The following PRKDC variants were observed in gnomAD, a reference collection of about 807,000 sequenced individuals.
PRKDC encodes DNA-dependent protein kinase catalytic subunit.
PRKDC carries 82 observed loss-of-function variants against 486.9 expected under a neutral mutation model. The observed-to-expected ratio is 0.17, with a 90% confidence interval of 0.14 to 0.20. The LOEUF is 0.20. PRKDC is among the 10% of genes least tolerant of loss of function. The pLI is 1.00. For missense variants in PRKDC, 4,504 were observed against 5,038.2 expected (o/e 0.89, Z 3.21); for synonymous variants, 1,895 against 1,837.0 (o/e 1.03, Z -0.81).
In PRKDC at chr8:47,953,827, G is replaced by A. The variant is rs778704027; in HGVS notation, c.601C>T (p.Leu201=). ...NNAENLFRAF[L]GELKTQMTSA... is the part of the protein sequence containing the mutation. The stretch of plus-strand genomic sequence containing the variant: ...CATACCTGGGTCTTAAGTTCACCCA[G>A]AAAAGCGCGGAACAGGTTTTCTGCA... Residue 201 remains leucine, a synonymous_variant, in exon 6 of 86, where the codon CTG becomes TTG. Coordinates refer to ENST00000314191, the MANE Select transcript of PRKDC (RefSeq NM_006904.7). 12 of 1,571,080 alleles carry A rather than the reference G, an allele frequency of 7.6e-6. No individual in the cohort carries two copies. The highest frequency in any genetic ancestry group is 9.5e-6 in the Non-Finnish European group (11 of 1,156,134).
chr8:47,845,617 A>C (rs2088246419), intron 54 of PRKDC, among the ~76,000 whole-genome samples: 1 of 151,894 alleles, frequency 6.6e-6, no homozygotes, highest in African/African-American at 2.4e-5. Flanking sequence ...AAACAAACAA[A>C]CAAACAAAAA....
intron 68 of PRKDC, among the ~76,000 whole-genome samples, chr8:47,810,948 AAG>A (rs1245971143): frequency 6.6e-6 from 1 of 152,252 alleles, no homozygotes; most frequent in African/African-American, 2.4e-5. Flanking sequence ...ACAATGTCAA[AAG>A]GCACGATGTA....
chr8:47,852,601 A>G (rs969127639), intron 52 of PRKDC, 72 bp downstream of exon 52: 3 of 895,630 alleles, frequency 3.3e-6, no homozygotes, highest in South Asian at 2.1e-5. Context: ...AAATAAACAT[A>G]TAAGTATCAA....
chr8:47,934,170 G>A, intron 14 of PRKDC, 80 bp from the exon 15 acceptor site: 1 of 1,464,314 alleles, frequency 6.8e-7, no homozygotes, highest in Non-Finnish European at 9.1e-7. Flanking sequence ...CTGGTTTTCA[G>A]AATTTTCTAA....
intron 58 of PRKDC, among the ~76,000 whole-genome samples, chr8:47,834,946 G>A (rs369348463): frequency 1.3e-5 from 2 of 151,868 alleles, no homozygotes; most frequent in Admixed American, 6.6e-5. Context: ...CGCCTCGGCC[G>A]CCCAAAGTGC....
intron 68 of PRKDC, among the ~76,000 whole-genome samples, chr8:47,816,258 G>GT (rs2087440954): frequency 6.6e-6 from 1 of 151,886 alleles, no homozygotes; most frequent in Non-Finnish European, 1.5e-5. Context: ...TGTGCCCCAC[G>GT]TGTGATTTGC....
At chr8:47,921,939 C>T (rs561034318) in intron 21 of PRKDC, among the ~76,000 whole-genome samples, 10 of 152,152 alleles carry the variant, frequency 6.6e-5, no homozygotes, top group African/African-American at 2.4e-4. Flanking sequence ...TGCCACCACA[C>T]CCAGATAATT....
At chr8:47,930,531 C>T in intron 17 of PRKDC, 141 bp downstream of exon 17, 1 of 766,366 alleles carries the variant, frequency 1.3e-6, no homozygotes, top group Non-Finnish European at 2.0e-6. Flanking sequence ...CTCGGCCTCC[C>T]AAAGTGCTGG....
chr8:47,793,333 C>G (rs2086914860), intron 74 of PRKDC, among the ~76,000 whole-genome samples: 1 of 152,164 alleles, frequency 6.6e-6, no homozygotes, highest in African/African-American at 2.4e-5. Context: ...TTAACTGCAA[C>G]AGAAGCTGGG....
At chr8:47,859,806 G>C (rs2154500591) in intron 45 of PRKDC, 47 bp from the exon 46 acceptor site, 2 of 1,497,168 alleles carry the variant, frequency 1.3e-6, no homozygotes, top group East Asian at 4.6e-5. Context: ...AACATAATTA[G>C]TAAGAAATGT....
chr8:47,953,152 AAAGT>A (rs2090653062), intron 7 of PRKDC, among the ~76,000 whole-genome samples: 1 of 151,770 alleles, frequency 6.6e-6, no homozygotes, highest in South Asian at 2.1e-4. Context: ...AAAAAAAAAG[AAAGT>A]AATTTGCCAG....
At chr8:47,959,665 C>G (rs1011711229) in intron 1 of PRKDC, among the ~76,000 whole-genome samples, 1 of 150,970 alleles carries the variant, frequency 6.6e-6, no homozygotes, top group African/African-American at 2.4e-5. Flanking sequence ...GGCGACAGAG[C>G]GAGACTCCGT....
chr8:47,943,064 G>A, intron 10 of PRKDC, 145 bp downstream of exon 10: 2 of 1,054,838 alleles, frequency 1.9e-6, no homozygotes, highest in Non-Finnish European at 2.7e-6. Context: ...CTCCCATATG[G>A]CTGGCTGATC....
At position 47,888,928 on chromosome 8, in the gene PRKDC, A is replaced by C. The variant is rs1187990704; in HGVS notation, c.4280+86T>G. On this transcript the variant is annotated intron_variant, in intron 33 of 85. Coordinates refer to ENST00000314191, the MANE Select transcript of PRKDC (RefSeq NM_006904.7). ...CACTGATATAAGCCTTCCCTGAGGAAGCAGGAGCAGCTGCAGGAGCACGGC... is the reference window on the plus strand; with the variant it reads ...CACTGATATAAGCCTTCCCTGAGGACGCAGGAGCAGCTGCAGGAGCACGGC... 5 of 1,353,154 alleles carry C rather than the reference A, an allele frequency of 3.7e-6. No homozygotes were observed. In the African/African-American group the frequency reaches 7.2e-5, roughly 20 times the overall value. 83.8% of individuals were successfully genotyped at this position (1,353,154 alleles called of 1,614,324 possible). A position where few individuals can be genotyped will look rare whatever the true frequency, so the allele number is the denominator to read the frequency against.
rs755695409 is a variant in PRKDC, at chr8:47,778,520, G to A, written c.11792C>T (p.Ala3931Val). ...CCCGATCACGCCGCCAGTCTCCATG[G>A]CCACCATAAAGTTGTTCAGATGTCT... is the stretch of plus-strand genomic sequence containing the variant. ...GDRHLNNFMVAMETGGVIGID... is the reference protein window; with the variant it reads ...GDRHLNNFMVVMETGGVIGID... Residue 3931 changes from alanine to valine, a missense_variant, in exon 83 of 86, where the codon GCC becomes GTC. Physicochemically the swap from Ala to Val is moderately conservative, Grantham distance 64. Around this residue, in one of 6 missense-constraint regions of PRKDC, gnomAD observed 706 missense variants for 945.0 expected, o/e 0.75. Transcript: ENST00000314191. 1.9e-6 allele frequency: 3 copies of A among 1,613,740 alleles called. No individual in the cohort carries two copies. In the East Asian group the frequency reaches 6.7e-5, roughly 36 times the overall value.
At chr8:47,947,448 C>T (rs1250354610) in intron 7 of PRKDC, among the ~76,000 whole-genome samples, 1 of 152,214 alleles carries the variant, frequency 6.6e-6, no homozygotes, top group Non-Finnish European at 1.5e-5. Flanking sequence ...ACTGGTTTAA[C>T]ACCAAGTTCA....
chr8:47,869,260 T>A (rs941578156), intron 40 of PRKDC, among the ~76,000 whole-genome samples: 1 of 151,512 alleles, frequency 6.6e-6, no homozygotes, highest in African/African-American at 2.4e-5. Flanking sequence ...ATAAAAGTGA[T>A]TCCTTTCTTC....
At chr8:47,857,048 T>C (rs748856654) in intron 49 of PRKDC, 108 bp downstream of exon 49, 22 of 1,227,758 alleles carry the variant, frequency 1.8e-5, no homozygotes, top group Non-Finnish European at 2.4e-5. Flanking sequence ...CAACAAATGC[T>C]GAAAACCATA....
At chr8:47,944,424 A>G (rs1189836863) in intron 7 of PRKDC, among the ~76,000 whole-genome samples, 1 of 151,322 alleles carries the variant, frequency 6.6e-6, no homozygotes, top group Non-Finnish European at 1.5e-5. Context: ...GGCCAAACAT[A>G]CCATTCTCCC....
Sources: allele counts gnomAD v4.1 joint callset (sites outside exome capture counted in the v4.1 genomes callset), GRCh38; gene constraint gnomAD v4.1.1; regional missense constraint gnomAD v4.1.1; transcripts MANE v1.5; gene names NCBI Gene and HGNC (gene_info 2026-07-23, HGNC 2026-07-21).